The following SNED1 variants were observed in gnomAD, a reference collection of about 807,000 sequenced individuals.
The protein encoded by SNED1 is sushi, nidogen and EGF like domains 1, also known as sushi, nidogen and EGF-like domain-containing protein 1.
Under a neutral mutation model 166.7 loss-of-function variants are expected in SNED1, and 81 were observed. The observed-to-expected ratio is 0.49, with a 90% CI of 0.41 to 0.58. The LOEUF is 0.58. SNED1 is among the 20% of genes least tolerant of loss of function. The pLI, the probability that SNED1 is intolerant of heterozygous loss-of-function variation, is 0.00. For missense variants in SNED1, 1,604 were observed against 2,000.2 expected, an observed-to-expected ratio of 0.80 and a Z score of 3.78; for synonymous variants, 762 against 822.0, an observed-to-expected ratio of 0.93 and a Z score of 1.25.
At chr2:241,000,591 C>CA (rs1454110454) in intron 1 of SNED1, among the ~76,000 whole-genome samples, 4 of 152,240 alleles carry the variant, frequency 2.6e-5, no homozygotes, top group African/African-American at 9.6e-5. Flanking sequence ...CTTTCCCACT[C>CA]ACAGTCACAG....
chr2:241,052,322 C>T (rs1180935409), intron 14 of SNED1, 33 bp from the exon 15 acceptor site: 2 of 1,536,396 alleles, frequency 1.3e-6, no homozygotes, highest in Admixed American at 1.8e-5. Flanking sequence ...TCAGGGAAGA[C>T]ACAGTGGCCA....
At chr2:241,088,705 G>C in intron 31 of SNED1, 1 of 403,964 alleles carries the variant, frequency 2.5e-6, no homozygotes, top group Non-Finnish European at 4.4e-6. Context: ...CCCTAGATCA[G>C]CTGCAGTGGG....
In SNED1 at chr2:241,065,585, G is replaced by A; in HGVS notation, c.3000G>A (p.Leu1000=). The change falls in exon 21 of 32, where the codon CTG becomes CTA. Residue 1000 remains leucine, a synonymous_variant. Transcript: ENST00000310397. The stretch of plus-strand genomic sequence containing the variant: ...ACATCAGCAGGCCTGCCGTGCTGCT[G>A]GCCCGCACGCGTGAGTGTCCCCGAG... ...KNDISRPAVL[L]ARTRPRPVEG... 2 of 1,611,926 alleles carry A rather than the reference G, an allele frequency of 1.2e-6. No individual in the cohort carries two copies. Among genetic ancestry groups the A allele is most frequent in the Non-Finnish European group, 1.7e-6 (2 of 1,179,676 alleles).
Position 241,051,977 on chromosome 2 carries a change from C to T in SNED1, c.1853-64C>T. ...TGCTTCTCATGAAGAGGCCCCAGCT[C>T]TGGGATGTTGGGGAACGTGGGAGGG... On this transcript the variant is annotated intron_variant, in intron 13 of 31. Coordinates refer to ENST00000310397, the MANE Select transcript of SNED1 (RefSeq NM_001080437.3). This position sits in a 1 kb window ranked among gnomAD's most constrained non-coding sequence, Gnocchi z 4.7. 1 of 1,529,388 alleles carries T rather than the reference C, an allele frequency of 6.5e-7. No individual in the cohort carries two copies. The highest frequency in any genetic ancestry group is 1.4e-5 in the African/African-American group (1 of 73,280). 94.7% of individuals were successfully genotyped at this position (1,529,388 alleles called of 1,614,324 possible).
rs1410106903 is a variant in SNED1, at chr2:241,067,956, G to A, written c.3194+9G>A. 6.2e-7 allele frequency: 1 copy of A among 1,602,406 alleles called. No homozygotes were observed. Among genetic ancestry groups the A allele is most frequent in the South Asian group, 1.1e-5 (1 of 90,800 alleles). ...GACAGGTTCACCTTTAGGTAAGAAG[G>A]GACACCCAGAGCATGGGGCTGGGGT... On this transcript the variant is annotated intron_variant, in intron 22 of 31. Coordinates refer to ENST00000310397, the MANE Select transcript of SNED1 (RefSeq NM_001080437.3).
chr2:241,024,264 T>TTTTTTTTTTTTTTTA (rs2060871972), intron 1 of SNED1, among the ~76,000 whole-genome samples: 2 of 121,744 alleles, frequency 1.6e-5, no homozygotes, highest in African/African-American at 6.3e-5. Flanking sequence ...TTTTTTTTTT[T>TTTTTTTTTTTTTTTA]AGACAGAGTC....
chr2:241,060,654 CTA>C (rs2062202245), intron 16 of SNED1, among the ~76,000 whole-genome samples: 2 of 151,932 alleles, frequency 1.3e-5, no homozygotes, highest in East Asian at 3.9e-4. Context: ...TAAAAAAAAA[CTA>C]TACAGGGCCG....
At chr2:241,044,754 G>C (rs180921376) in intron 8 of SNED1, among the ~76,000 whole-genome samples, 1 of 152,282 alleles carries the variant, frequency 6.6e-6, no homozygotes, top group African/African-American at 2.4e-5. Flanking sequence ...AGGTGCTGTG[G>C]TTTCAAAGGG....
chr2:241,034,839 G>A (rs146456007), intron 4 of SNED1, 109 bp downstream of exon 4: 13 of 1,237,310 alleles, frequency 1.1e-5, no homozygotes, highest in Non-Finnish European at 1.3e-5. Flanking sequence ...GAGAGCAGGA[G>A]CACTTGGGTG....
intron 1 of SNED1, among the ~76,000 whole-genome samples, chr2:241,029,926 C>T (rs2061112133): frequency 6.6e-6 from 1 of 152,268 alleles, no homozygotes; most frequent in South Asian, 2.1e-4. Flanking sequence ...CGGAGCAGAG[C>T]TGAGGAGCAG....
At position 241,071,646 on chromosome 2, in the gene SNED1, GC is replaced by G; in HGVS notation, c.3665del (p.Pro1222ArgfsTer35). The G allele has an allele frequency of 1.3e-6, 2 of 1,573,720 alleles. No individual in the cohort carries two copies. On this transcript the variant is annotated frameshift_variant, in exon 25 of 32. Coordinates refer to ENST00000310397, the MANE Select transcript of SNED1 (RefSeq NM_001080437.3). LOFTEE classifies it high-confidence loss of function. ...ACCCTCGGGTGCTCAAGAACAGACCGCCCCCGGCGCGCCTGCCGGAGCTGCG... is the reference window on the plus strand; with the variant it reads ...ACCCTCGGGTGCTCAAGAACAGACCGCCCCGGCGCGCCTGCCGGAGCTGCG... ...HHPRVLKNRP[P>X]PARLPELRLL... is the part of the protein sequence containing the mutation.
In SNED1 at chr2:241,083,037, G is replaced by A. The variant is rs529256082; in HGVS notation, c.4121+673G>A. On this transcript the variant is annotated intron_variant, in intron 29 of 31. Coordinates refer to ENST00000310397, the MANE Select transcript of SNED1 (RefSeq NM_001080437.3). ...GACCAAAGCCCTGCCTTCAGGACCC[G>A]TTCATTGCAGATGAGGGGACAGACA... Among the ~76,000 whole-genome samples, 13 of 152,192 alleles carry A rather than the reference G, an allele frequency of 8.5e-5. No homozygotes were observed. In the South Asian group the frequency reaches 1.7e-3, roughly 19 times the overall value.
rs1321266602 is a variant in SNED1 at position 241,030,580 on chromosome 2, A to G, written c.501+9A>G. The G allele has an allele frequency of 3.7e-6, 6 of 1,612,608 alleles. No homozygotes were observed. The highest frequency in any genetic ancestry group is 5.1e-6 in the Non-Finnish European group (6 of 1,179,084). On this transcript the variant is annotated intron_variant, in intron 2 of 31. Transcript: ENST00000310397. The stretch of plus-strand genomic sequence containing the variant: ...GCAGTTCCTCATCCCCTGTGAGTCC[A>G]GGCACTTGTCCTGGGGAGGGTGGGT...
intron 2 of SNED1, among the ~76,000 whole-genome samples, chr2:241,031,775 C>T (rs183487381): frequency 1.2e-4 from 18 of 152,338 alleles, no homozygotes; most frequent in African/African-American, 3.6e-4. Context: ...CACTTACGTT[C>T]GCCTTCCTGA....
chr2:241,057,380 A>AAAAAAAATAT (rs377141068), intron 16 of SNED1, among the ~76,000 whole-genome samples: 1 of 118,132 alleles, frequency 8.5e-6, no homozygotes, highest in African/African-American at 3.8e-5. Context: ...TCCATCTCAA[A>AAAAAAAATAT]ATATATATAT....
intron 21 of SNED1, among the ~76,000 whole-genome samples, chr2:241,067,134 CA>C (rs1212660742): frequency 6.6e-6 from 1 of 152,194 alleles, no homozygotes; most frequent in African/African-American, 2.4e-5. Flanking sequence ...CTGCCCGCTG[CA>C]GAGTTGGGGC....
At chr2:241,033,502 C>A in intron 2 of SNED1, 1 of 513,658 alleles carries the variant, frequency 1.9e-6, no homozygotes, top group Non-Finnish European at 3.4e-6. Flanking sequence ...TTCACTCACC[C>A]CAGCAATAGT....
intron 12 of SNED1, among the ~76,000 whole-genome samples, chr2:241,050,452 T>C (rs2061802769): frequency 6.6e-6 from 1 of 152,102 alleles, no homozygotes; most frequent in Admixed American, 6.5e-5. Flanking sequence ...ATCTCAGTGG[T>C]CAGTGCCCAG....
chr2:241,037,327 G>A lies in SNED1; in HGVS notation c.1019G>A (p.Gly340Asp). 6.2e-7 allele frequency: 1 copy of A among 1,609,616 alleles called. No homozygotes were observed. The highest frequency in any genetic ancestry group is 8.5e-7 in the Non-Finnish European group (1 of 1,178,466). ...INSFRCQCPA[G>D]FGGPTCETAQ... is the part of the protein sequence containing the mutation. ...AGTTTCCGCTGCCAGTGCCCGGCTGGCTTTGGGGGACCCACCTGTGAGACA... is the reference window on the plus strand; with the variant it reads ...AGTTTCCGCTGCCAGTGCCCGGCTGACTTTGGGGGACCCACCTGTGAGACA... The change falls in exon 6 of 32, where the codon GGC becomes GAC. Residue 340 changes from glycine (G) to aspartate (D), a missense_variant. This residue lies in a region of SNED1 where 1,237 missense variants were observed against 1,620.8 expected (regional missense o/e 0.76). Coordinates refer to ENST00000310397, the MANE Select transcript of SNED1 (RefSeq NM_001080437.3).
Sources: gnomAD v4.1 joint callset for allele counts (sites outside exome capture counted in the v4.1 genomes callset) on GRCh38, gnomAD v4.1.1 for gene constraint, gnomAD v4.1.1 regional missense constraint, Gnocchi (gnomAD v3.1) non-coding constraint, MANE v1.5 for transcripts, NCBI Gene and HGNC (gene_info 2026-07-23, HGNC 2026-07-21) for gene names.